ERGIC1: variants seen among roughly 807,000 people sequenced by gnomAD.
The protein encoded by ERGIC1 is endoplasmic reticulum-Golgi intermediate compartment protein 1.
In ERGIC1, 19 loss-of-function variants were observed where a neutral mutation model predicts 38.3. That is an observed-to-expected ratio of 0.50 (90% CI 0.35 to 0.73). The LOEUF (loss-of-function observed/expected upper bound fraction) is 0.73, where lower values mean the gene tolerates loss of function less well. Among genes scored for constraint, ERGIC1 ranks in the 30% least tolerant of loss-of-function variants. The probability of loss-of-function intolerance (pLI) is 0.01; values close to 1 mark genes in which losing one functional copy is unlikely to be tolerated. For missense variants in ERGIC1, 294 were observed against 389.2 expected, an observed-to-expected ratio of 0.76 and a Z score of 2.06; for synonymous variants, 124 against 157.6, an observed-to-expected ratio of 0.79 and a Z score of 1.60.
chr5:172,834,523 C>T lies in ERGIC1; in HGVS notation c.20+90C>T, dbSNP rs551920242. On this transcript the variant is annotated intron_variant, in intron 1 of 9. Coordinates refer to ENST00000393784, the MANE Select transcript of ERGIC1 (RefSeq NM_001031711.3). The surrounding 1 kb of genome is among the most constrained non-coding windows in gnomAD (Gnocchi z 4.1). ...CCGCGGACCCCTCCCGCCCTGCATGCAAAAGCGGCTCCCCGCCCTGTGCAT... is the reference window on the plus strand; with the variant it reads ...CCGCGGACCCCTCCCGCCCTGCATGTAAAAGCGGCTCCCCGCCCTGTGCAT... 2.7e-5 allele frequency: 32 copies of T among 1,203,058 alleles called. No individual in the cohort carries two copies. The highest frequency in any genetic ancestry group is 3.2e-5 in the Non-Finnish European group (31 of 959,312). 74.5% of individuals were successfully genotyped at this position (1,203,058 alleles called of 1,614,324 possible).
chr5:172,870,200 G>A (rs567619072), intron 1 of ERGIC1, among the ~76,000 whole-genome samples: 15 of 152,268 alleles, frequency 9.9e-5, no homozygotes, highest in African/African-American at 2.6e-4. Context: ...TTTGCTTTGC[G>A]TATTATTTTA....
At chr5:172,948,164 T>TG (rs1764163316) in intron 9 of ERGIC1, among the ~76,000 whole-genome samples, 1 of 152,082 alleles carries the variant, frequency 6.6e-6, no homozygotes, top group African/African-American at 2.4e-5. Flanking sequence ...CTCCACTCCC[T>TG]GGGGGGCCGC....
chr5:172,876,592 G>T (rs1246021215), intron 1 of ERGIC1, among the ~76,000 whole-genome samples: 2 of 152,122 alleles, frequency 1.3e-5, no homozygotes, highest in East Asian at 3.8e-4. Context: ...CTTTATTGAG[G>T]TATAATCGAC....
intron 2 of ERGIC1, among the ~76,000 whole-genome samples, chr5:172,890,074 A>G (rs1762519120): frequency 6.6e-6 from 1 of 152,216 alleles, no homozygotes; most frequent in Non-Finnish European, 1.5e-5. Context: ...CTGAGGAAAT[A>G]TGGCAAGTGC....
At chr5:172,890,852 T>G (rs920551601) in intron 2 of ERGIC1, among the ~76,000 whole-genome samples, 4 of 152,192 alleles carry the variant, frequency 2.6e-5, no homozygotes, top group Non-Finnish European at 5.9e-5. Flanking sequence ...TTCTCCCAGG[T>G]CAGGCCATTC....
chr5:172,925,652 A>G (rs189713125), intron 6 of ERGIC1, among the ~76,000 whole-genome samples: 179 of 152,214 alleles, frequency 1.2e-3, no homozygotes, highest in Non-Finnish European at 2.2e-3. Flanking sequence ...CCTGGGGGCC[A>G]CGTGGGCCTG....
At chr5:172,853,166 A>G (rs1173678014) in intron 1 of ERGIC1, among the ~76,000 whole-genome samples, 3 of 152,196 alleles carry the variant, frequency 2.0e-5, no homozygotes, top group Non-Finnish European at 2.9e-5. Flanking sequence ...TTGCCTGGAA[A>G]GGTATTGCGC....
Position 172,834,430 on chromosome 5 carries a change from G to A in ERGIC1, c.17G>A (p.Arg6Lys). The A allele has an allele frequency of 7.5e-7, 1 of 1,338,074 alleles. No individual in the cohort carries two copies. Among genetic ancestry groups the A allele is most frequent in the Non-Finnish European group, 9.6e-7 (1 of 1,040,604 alleles). 82.9% of individuals were successfully genotyped at this position (1,338,074 alleles called of 1,614,324 possible). A position where few individuals can be genotyped will look rare whatever the true frequency, so the allele number is the denominator to read the frequency against. Residue 6 changes from arginine to lysine, a missense_variant, in exon 1 of 10, where the codon AGG (arginine) becomes AAG (lysine). Physicochemically the swap from Arg to Lys is conservative, Grantham distance 26. Coordinates refer to ENST00000393784, the MANE Select transcript of ERGIC1 (RefSeq NM_001031711.3). This position sits in a 1 kb window ranked among gnomAD's most constrained non-coding sequence, Gnocchi z 4.1. ...GGCGGCACGATGCCCTTTGACTTCAGGAGGTGAGTGTGGCGACCCCGGCCA... is the reference window on the plus strand; with the variant it reads ...GGCGGCACGATGCCCTTTGACTTCAAGAGGTGAGTGTGGCGACCCCGGCCA... MPFDF[R>K]RFDIYRKVPK...
chr5:172,852,078 A>G (rs1761423652), intron 1 of ERGIC1, among the ~76,000 whole-genome samples: 1 of 151,768 alleles, frequency 6.6e-6, no homozygotes, highest in African/African-American at 2.4e-5. Flanking sequence ...AACCAGCCAA[A>G]AGGAGACCGC....
intron 1 of ERGIC1, among the ~76,000 whole-genome samples, chr5:172,884,194 A>G (rs1274900163): frequency 7.5e-6 from 1 of 132,606 alleles, no homozygotes; most frequent in Non-Finnish European, 1.6e-5. Context: ...GATGATTGTT[A>G]TTTATTTTGA....
chr5:172,855,031 A>G (rs539900288), intron 1 of ERGIC1, among the ~76,000 whole-genome samples: 1 of 152,236 alleles, frequency 6.6e-6, no homozygotes, highest in Non-Finnish European at 1.5e-5. Context: ...GTTTTTAGCT[A>G]CCAGGGTTCT....
At chr5:172,893,889 ATATATATATATATATATGTGTG>A (rs1762633347) in intron 2 of ERGIC1, among the ~76,000 whole-genome samples, 2 of 17,088 alleles carry the variant, frequency 1.2e-4, no homozygotes, top group African/African-American at 2.8e-4. Context: ...ATATATATAT[ATATATATATATATATATGTGTG>A]TGTGTGTGTG....
chr5:172,897,002 T>G lies in ERGIC1; in HGVS notation c.83T>G (p.Ile28Ser). 6.2e-7 allele frequency: 1 copy of G among 1,614,044 alleles called. No homozygotes were observed. Among genetic ancestry groups the G allele is most frequent in the Non-Finnish European group, 8.5e-7 (1 of 1,179,936 alleles). Residue 28 changes from isoleucine to serine, a missense_variant and splice_region_variant, in exon 3 of 10, where the codon ATC (isoleucine) becomes AGC (serine). Physicochemically the swap from Ile to Ser is moderately radical, Grantham distance 142 (BLOSUM62 -2). Transcript: ENST00000393784. Reference sequence around the variant, plus strand: ...TTTGCATTTCTGTTGTTTCTTCCAGTCTCCATCTGCTGCTGCCTCTTCATC... The same window carrying G: ...TTTGCATTTCTGTTGTTTCTTCCAGGCTCCATCTGCTGCTGCCTCTTCATC... ...LTQPTYTGAI[I>S]SICCCLFILF...
rs184832076 is a variant in ERGIC1 at position 172,908,446 on chromosome 5, C to T, written c.156-1221C>T. Among the ~76,000 whole-genome samples, 479 of 149,996 alleles carry T rather than the reference C, an allele frequency of 3.2e-3. 3 individuals carry two copies. Among genetic ancestry groups the T allele is most frequent in the African/African-American group, 0.011 (466 of 40,778 alleles). Reference sequence around the variant, plus strand: ...ACAAAAATTAGCTGGAGTGGTGGCACGCACCTGTAGTCACAGCTACTCGGG... The same window carrying T: ...ACAAAAATTAGCTGGAGTGGTGGCATGCACCTGTAGTCACAGCTACTCGGG... On this transcript the variant is annotated intron_variant, in intron 3 of 9. Transcript: ENST00000393784.
intron 1 of ERGIC1, among the ~76,000 whole-genome samples, chr5:172,879,568 G>A (rs1356343441): frequency 1.3e-5 from 2 of 152,200 alleles, no homozygotes; most frequent in African/African-American, 4.8e-5. Flanking sequence ...GGGTTCCTTT[G>A]CTTTGTTTTT....
In ERGIC1 at chr5:172,834,528, G is replaced by A. The variant is rs962398543; in HGVS notation, c.20+95G>A. On this transcript the variant is annotated intron_variant, in intron 1 of 9. Transcript: ENST00000393784. The surrounding 1 kb of genome is among the most constrained non-coding windows in gnomAD (Gnocchi z 4.1). ...GACCCCTCCCGCCCTGCATGCAAAA[G>A]CGGCTCCCCGCCCTGTGCATGCCTC... The A allele has an allele frequency of 3.2e-4, 376 of 1,192,860 alleles. No homozygotes were observed. The highest frequency in any genetic ancestry group is 3.8e-4 in the Non-Finnish European group (361 of 950,672). 73.9% of individuals were successfully genotyped at this position (1,192,860 alleles called of 1,614,324 possible). A position where few individuals can be genotyped will look rare whatever the true frequency, so the allele number is the denominator to read the frequency against.
intron 2 of ERGIC1, among the ~76,000 whole-genome samples, chr5:172,890,240 G>T (rs1762525066): frequency 1.3e-5 from 2 of 152,150 alleles, no homozygotes; most frequent in Non-Finnish European, 2.9e-5. Flanking sequence ...ACAATCCCAG[G>T]TCAGGGGACA....
chr5:172,906,225 G>T lies in ERGIC1; in HGVS notation c.156-3442G>T, dbSNP rs1339819376. The T allele has an allele frequency of 1.1e-5, 5 of 454,216 alleles. No homozygotes were observed. The Admixed American group carries it at 1.2e-4, about 11-fold the overall frequency. The allele number at this position is 454,216 out of a possible 1,614,324, so 28.1% of individuals were successfully genotyped here. Reference sequence around the variant, plus strand: ...CATCCTAAGGCTTCCCAGGACCAGGGCCCTCCTTCATTTTCTTCCTTGACC... The same window carrying T: ...CATCCTAAGGCTTCCCAGGACCAGGTCCCTCCTTCATTTTCTTCCTTGACC... On this transcript the variant is annotated intron_variant, in intron 3 of 9. Transcript: ENST00000393784.
chr5:172,882,153 C>T (rs1367539579), intron 1 of ERGIC1, among the ~76,000 whole-genome samples: 1 of 152,186 alleles, frequency 6.6e-6, no homozygotes, highest in Non-Finnish European at 1.5e-5. Flanking sequence ...CCCAGCGTGG[C>T]TCTGTGGCGT....
Sources: gnomAD v4.1 joint callset for allele counts (sites outside exome capture counted in the v4.1 genomes callset) on GRCh38, gnomAD v4.1.1 for gene constraint, Gnocchi (gnomAD v3.1) non-coding constraint, MANE v1.5 for transcripts, NCBI Gene and HGNC (gene_info 2026-07-23, HGNC 2026-07-21) for gene names.